The following NFIB variants were observed in gnomAD, a reference collection of about 807,000 sequenced individuals.
NFIB encodes nuclear factor 1 B-type.
A neutral mutation model predicts 61.5 loss-of-function variants in NFIB; 11 were observed. That is an observed-to-expected ratio of 0.18 (90% CI 0.11 to 0.30). The LOEUF (loss-of-function observed/expected upper bound fraction) is 0.30, where lower values mean the gene tolerates loss of function less well. NFIB is among the 10% of genes least tolerant of loss of function. NFIB has a pLI of 1.00. For missense variants in NFIB, 471 were observed against 608.9 expected, an observed-to-expected ratio of 0.77 and a Z score of 2.38; for synonymous variants, 260 against 216.5, an observed-to-expected ratio of 1.20 and a Z score of -1.76.
intron 2 of NFIB, among the ~76,000 whole-genome samples, chr9:14,221,759 T>C (rs535418073): frequency 6.6e-6 from 1 of 152,336 alleles, no homozygotes; most frequent in South Asian, 2.1e-4. Context: ...CATAGTATAA[T>C]TGAGCAAGCT....
chr9:14,223,597 T>C (rs948303616), intron 2 of NFIB, among the ~76,000 whole-genome samples: 5 of 152,190 alleles, frequency 3.3e-5, no homozygotes, highest in African/African-American at 9.7e-5. Context: ...TGCAATTCAA[T>C]AGGAGATCAA....
intron 5 of NFIB, among the ~76,000 whole-genome samples, chr9:14,147,636 CTTTTT>C (rs34256054): frequency 1.8e-5 from 2 of 108,648 alleles, no homozygotes; most frequent in African/African-American, 7.5e-5. Flanking sequence ...TAAAATGATA[CTTTTT>C]TTTTTTTTTT....
chr9:14,095,103 C>G (rs1016803636), intron 10 of NFIB, among the ~76,000 whole-genome samples: 1 of 152,094 alleles, frequency 6.6e-6, no homozygotes, highest in South Asian at 2.1e-4. Flanking sequence ...AAAACTCTTA[C>G]ATAATACTTG....
intron 2 of NFIB, among the ~76,000 whole-genome samples, chr9:14,192,173 T>G (rs527719056): frequency 1.4e-4 from 21 of 152,354 alleles, no homozygotes; most frequent in Non-Finnish European, 2.6e-4. Context: ...GATCAAATTC[T>G]TCTTGACATT....
At chr9:14,091,963 A>G (rs376489213) in intron 10 of NFIB, among the ~76,000 whole-genome samples, 8 of 152,194 alleles carry the variant, frequency 5.3e-5, no homozygotes, top group African/African-American at 1.7e-4. Flanking sequence ...GATATCATGG[A>G]TACTATTTTC....
At chr9:14,164,470 A>G (rs1332872689) in intron 3 of NFIB, among the ~76,000 whole-genome samples, 2 of 152,130 alleles carry the variant, frequency 1.3e-5, no homozygotes, top group African/African-American at 4.8e-5. Flanking sequence ...ATCTAAACAT[A>G]TCTGAACATA....
chr9:14,206,695 CAAAAAAA>C (rs889983433), intron 2 of NFIB, among the ~76,000 whole-genome samples: 10 of 71,284 alleles, frequency 1.4e-4, no homozygotes, highest in Admixed American at 4.1e-4. Context: ...ACATGCTTTA[CAAAAAAA>C]AAAAAAAAAA....
intron 10 of NFIB, among the ~76,000 whole-genome samples, chr9:14,101,577 C>T (rs1296083144): frequency 6.6e-6 from 1 of 152,210 alleles, no homozygotes; most frequent in African/African-American, 2.4e-5. Flanking sequence ...TGAACTCCTT[C>T]TGGGATTACC....
chr9:14,345,804 A>C (rs1381687706), intron 1 of NFIB, among the ~76,000 whole-genome samples: 3 of 151,992 alleles, frequency 2.0e-5, no homozygotes, highest in African/African-American at 7.3e-5. Flanking sequence ...CCTCCCCCTC[A>C]CCTGTATTTT....
intron 1 of NFIB, among the ~76,000 whole-genome samples, chr9:14,336,093 A>G (rs1008604741): frequency 2.4e-4 from 36 of 152,326 alleles, no homozygotes; most frequent in African/African-American, 8.4e-4. Context: ...AGAAGTCTTG[A>G]AATCAGGTAG....
the NFIB span, among the ~76,000 whole-genome samples, chr9:14,442,988 G>T: frequency 6.6e-6 from 1 of 151,968 alleles, no homozygotes; most frequent in African/African-American, 2.4e-5. Context: ...AAGTGTGGTG[G>T]CAGGCAAATC....
chr9:14,432,417 C>T, the NFIB span, among the ~76,000 whole-genome samples: 214 of 152,350 alleles, frequency 1.4e-3, 1 homozygote, highest in African/African-American at 4.9e-3. Context: ...ACATGGTTCT[C>T]TCTAAATCAG....
chr9:14,515,844 T>C, the NFIB span, among the ~76,000 whole-genome samples: 1 of 152,156 alleles, frequency 6.6e-6, no homozygotes, highest in Admixed American at 6.5e-5. Flanking sequence ...AAGTAACAAG[T>C]TCCTCTACCA....
intron 8 of NFIB, among the ~76,000 whole-genome samples, chr9:14,117,943 G>A (rs748341005): frequency 1.3e-5 from 2 of 152,010 alleles, no homozygotes; most frequent in African/African-American, 2.4e-5. Flanking sequence ...GAGAATATTG[G>A]GAAGCAACAG....
intron 2 of NFIB, among the ~76,000 whole-genome samples, chr9:14,225,353 A>G (rs960633717): frequency 1.2e-4 from 18 of 148,826 alleles, no homozygotes; most frequent in Non-Finnish European, 2.2e-4. Flanking sequence ...GCTACTTGGG[A>G]GGCTGAGGCA....
chr9:14,458,923 G>A, the NFIB span, among the ~76,000 whole-genome samples: 50 of 151,966 alleles, frequency 3.3e-4, no homozygotes, highest in Non-Finnish European at 5.7e-4. Context: ...AATCAATATC[G>A]TGAAAATGGC....
chr9:14,498,006 A>T, the NFIB span, among the ~76,000 whole-genome samples: 2 of 152,218 alleles, frequency 1.3e-5, no homozygotes, highest in South Asian at 4.1e-4. Flanking sequence ...CAAACTGTCA[A>T]GGATTTCCCA....
At chr9:14,483,111 A>G in the NFIB span, among the ~76,000 whole-genome samples, 1 of 152,120 alleles carries the variant, frequency 6.6e-6, no homozygotes, top group African/African-American at 2.4e-5. Context: ...GTGAATCATA[A>G]CCTCCTGCTT....
At chr9:14,501,853 C>G in the NFIB span, among the ~76,000 whole-genome samples, 2 of 152,118 alleles carry the variant, frequency 1.3e-5, no homozygotes, top group African/African-American at 4.8e-5. Context: ...GTTGGAGGCT[C>G]CTGGGTGAGT....
Sources: gnomAD v4.1 joint callset for allele counts (sites outside exome capture counted in the v4.1 genomes callset) on GRCh38, gnomAD v4.1.1 for gene constraint, MANE v1.5 for transcripts, NCBI Gene and HGNC (gene_info 2026-07-23, HGNC 2026-07-21) for gene names.